The following DNM3 variants were observed in gnomAD, a reference collection of about 807,000 sequenced individuals.
The protein encoded by DNM3 is dynamin-3.
In DNM3, 47 loss-of-function variants were observed where a neutral mutation model predicts 101.6. That is an observed-to-expected ratio of 0.46 (90% CI 0.37 to 0.59). The LOEUF is 0.59. Among genes scored for constraint, DNM3 ranks in the 20% least tolerant of loss-of-function variants. The probability of loss-of-function intolerance (pLI) is 0.00; values close to 1 mark genes in which losing one functional copy is unlikely to be tolerated. For missense variants in DNM3, 849 were observed against 1,085.7 expected (o/e 0.78, Z 3.06); for synonymous variants, 385 against 387.9 (o/e 0.99, Z 0.09).
At chr1:172,341,749 T>A (rs1380936472) in intron 17 of DNM3, among the ~76,000 whole-genome samples, 1 of 151,608 alleles carries the variant, frequency 6.6e-6, no homozygotes, top group Non-Finnish European at 1.5e-5. Context: ...ATTAAAGACC[T>A]AAATGTAAAA....
Position 172,143,622 on chromosome 1 carries a change from A to T in DNM3, c.1659+12334A>T, listed in dbSNP as rs182092855. Among the ~76,000 whole-genome samples the T allele has an allele frequency of 2.8e-3, 422 of 152,274 alleles. 2 individuals carry two copies. Among genetic ancestry groups the T allele is most frequent in the Admixed American group, 2.4e-3 (36 of 15,282 alleles). On this transcript the variant is annotated intron_variant, in intron 14 of 20. Coordinates refer to ENST00000627582, the MANE Select transcript of DNM3 (RefSeq NM_015569.5). The stretch of plus-strand genomic sequence containing the variant: ...TTTTTATCAGTGGGTTTCTAGACAA[A>T]GTGCCTTATTTTAAATGCTCAGAGA...
At chr1:172,195,302 T>G (rs1387347424) in intron 14 of DNM3, among the ~76,000 whole-genome samples, 1 of 151,998 alleles carries the variant, frequency 6.6e-6, no homozygotes, top group African/African-American at 2.4e-5. Flanking sequence ...TTTAATTACT[T>G]GTTAGTTCTC....
chr1:172,024,468 A>T (rs1419043044), intron 4 of DNM3, among the ~76,000 whole-genome samples: 1 of 152,246 alleles, frequency 6.6e-6, no homozygotes, highest in Non-Finnish European at 1.5e-5. Context: ...CAATTAATTC[A>T]GTATGTACTA....
At chr1:172,336,599 A>G (rs12134640) in intron 17 of DNM3, among the ~76,000 whole-genome samples, 22,580 of 151,410 alleles carry the variant, frequency 0.15, 2,230 homozygotes, top group African/African-American at 0.28. Flanking sequence ...CCTTAAATCT[A>G]GAGCTGGTTC....
At chr1:172,186,029 G>T (rs994932598) in intron 14 of DNM3, among the ~76,000 whole-genome samples, 1 of 152,084 alleles carries the variant, frequency 6.6e-6, no homozygotes, top group Non-Finnish European at 1.5e-5. Flanking sequence ...AGGCAAAAAT[G>T]TGAGAAGCAA....
At chr1:172,283,864 G>T (rs1052404472) in intron 15 of DNM3, among the ~76,000 whole-genome samples, 2 of 151,920 alleles carry the variant, frequency 1.3e-5, no homozygotes, top group African/African-American at 2.4e-5. Flanking sequence ...CAGGGAAGAG[G>T]CAGATTTCCC....
chr1:171,967,627 A>G (rs1443903477), intron 2 of DNM3, among the ~76,000 whole-genome samples: 1 of 152,180 alleles, frequency 6.6e-6, no homozygotes, highest in African/African-American at 2.4e-5. Flanking sequence ...GGAAAAATCA[A>G]CCTTCAGAGA....
rs140671209 is a variant in DNM3, at chr1:172,019,939, C to T, written c.590-12463C>T. Among the ~76,000 whole-genome samples the T allele has an allele frequency of 1.4e-3, 207 of 151,690 alleles. 1 individual carries two copies. The highest frequency in any genetic ancestry group is 4.9e-3 in the African/African-American group (203 of 41,262). ...AGTTTGTTTTTTTTTTATTCCCAGT[C>T]TGATAACTCTAACATTAGAGTTAGA... On this transcript the variant is annotated intron_variant, in intron 4 of 20. Coordinates refer to ENST00000627582, the MANE Select transcript of DNM3 (RefSeq NM_015569.5).
intron 13 of DNM3, among the ~76,000 whole-genome samples, chr1:172,114,821 G>A (rs900072751): frequency 3.3e-5 from 5 of 152,124 alleles, no homozygotes; most frequent in African/African-American, 1.2e-4. Flanking sequence ...TAGGAGTGTT[G>A]CTTATTTTAC....
intron 16 of DNM3, among the ~76,000 whole-genome samples, chr1:172,312,260 T>G (rs1237626311): frequency 6.6e-6 from 1 of 152,202 alleles, no homozygotes; most frequent in Non-Finnish European, 1.5e-5. Flanking sequence ...TACAAATCAG[T>G]CAATTGCTAC....
At chr1:172,112,877 A>G (rs544244480) in intron 13 of DNM3, among the ~76,000 whole-genome samples, 15 of 152,358 alleles carry the variant, frequency 9.8e-5, no homozygotes, top group Admixed American at 6.5e-4. Flanking sequence ...CACACTGCTT[A>G]TAGTAAATAT....
intron 16 of DNM3, among the ~76,000 whole-genome samples, chr1:172,313,169 C>T (rs924335281): frequency 6.6e-6 from 1 of 152,242 alleles, no homozygotes; most frequent in South Asian, 2.1e-4. Context: ...GAAATTACAA[C>T]CATTGTAAAA....
At chr1:171,850,298 C>A (rs1326620134) in intron 1 of DNM3, among the ~76,000 whole-genome samples, 1 of 152,148 alleles carries the variant, frequency 6.6e-6, no homozygotes, top group East Asian at 1.9e-4. Flanking sequence ...AACTTGTTAA[C>A]CATCAGTTTT....
chr1:172,386,930 CAG>C, intron 18 of DNM3: 1 of 526,816 alleles, frequency 1.9e-6, no homozygotes, highest in South Asian at 2.1e-5. Context: ...AGCCAAAAGA[CAG>C]AGGGAAACTG....
intron 17 of DNM3, among the ~76,000 whole-genome samples, chr1:172,326,137 G>A (rs1487952424): frequency 5.9e-5 from 9 of 152,094 alleles, no homozygotes; most frequent in African/African-American, 1.2e-4. Context: ...AATGCATGAC[G>A]GAACAAAACA....
chr1:172,074,981 T>C (rs910768844), intron 11 of DNM3, among the ~76,000 whole-genome samples: 5 of 152,212 alleles, frequency 3.3e-5, no homozygotes, highest in Admixed American at 6.5e-5. Flanking sequence ...GCATCTGTTG[T>C]TTCCTGACTT....
chr1:172,296,361 G>T (rs1011983743), intron 15 of DNM3, among the ~76,000 whole-genome samples: 15 of 152,214 alleles, frequency 9.9e-5, no homozygotes, highest in South Asian at 2.1e-4. Context: ...TTGATTGCAG[G>T]CTCAAAGGCC....
chr1:171,961,807 T>C (rs1244589445), intron 2 of DNM3, among the ~76,000 whole-genome samples: 1 of 152,192 alleles, frequency 6.6e-6, no homozygotes, highest in East Asian at 1.9e-4. Flanking sequence ...TGCAACAGGA[T>C]GAACTTGAAA....
At chr1:172,383,140 G>A (rs1222805669) in intron 18 of DNM3, among the ~76,000 whole-genome samples, 2 of 152,062 alleles carry the variant, frequency 1.3e-5, no homozygotes, top group Non-Finnish European at 2.9e-5. Flanking sequence ...ATCACGACTA[G>A]GACTCCCTAA....
Sources: gnomAD v4.1 joint callset for allele counts (sites outside exome capture counted in the v4.1 genomes callset) on GRCh38, gnomAD v4.1.1 for gene constraint, MANE v1.5 for transcripts, NCBI Gene and HGNC (gene_info 2026-07-23, HGNC 2026-07-21) for gene names.